Variants in CROCC observed in about 807,000 individuals in gnomAD.
The protein encoded by CROCC is ciliary rootlet coiled-coil, rootletin, also known as rootletin.
A neutral mutation model predicts 245.2 loss-of-function variants in CROCC; 180 were observed. That is an observed-to-expected ratio of 0.73 (90% CI 0.65 to 0.83). CROCC has a LOEUF of 0.83. Ranked by LOEUF, CROCC falls within the 40% of genes least tolerant of loss-of-function variation. The probability of loss-of-function intolerance (pLI) is 0.00; values close to 1 mark genes in which losing one functional copy is unlikely to be tolerated. For missense variants in CROCC, 2,688 were observed against 2,779.4 expected, an observed-to-expected ratio of 0.97 and a Z score of 0.74; for synonymous variants, 1,205 against 1,241.6, an observed-to-expected ratio of 0.97 and a Z score of 0.62.
chr1:16,968,152 G>A (rs1436236136), intron 30 of CROCC, 51 bp from the exon 31 acceptor site: 1 of 1,524,848 alleles, frequency 6.6e-7, no homozygotes, highest in African/African-American at 1.4e-5. Context: ...GTGTGCGGGA[G>A]GGCTGCGGGG....
upstream of CROCC, chr1:16,921,911 T>C: frequency 8.2e-7 from 1 of 1,212,676 alleles, no homozygotes; most frequent in Non-Finnish European, 1.2e-6. Context: ...GATTTAAGCT[T>C]AATCTGCCTG....
chr1:16,970,642 CG>C lies in CROCC; in HGVS notation c.5662del (p.Glu1888ArgfsTer12). On this transcript the variant is annotated frameshift_variant, in exon 35 of 37. Coordinates refer to ENST00000375541, the MANE Select transcript of CROCC (RefSeq NM_014675.5). LOFTEE classifies it high-confidence loss of function. ...CTGTGGCTCTCCTGCCTAGGTGGAG[CG>C]GGAGAAGCTTCGTAGCCATGAGGAC... ...ALRRTLDKVEREKLRSHEDTV... is the reference protein window; with the variant it reads ...ALRRTLDKVEXEKLRSHEDTV... The C allele has an allele frequency of 6.5e-7, 1 of 1,548,242 alleles. No individual in the cohort carries two copies. The highest frequency in any genetic ancestry group is 8.7e-7 in the Non-Finnish European group (1 of 1,146,116).
chr1:16,937,706 A>T lies in CROCC; in HGVS notation c.1259A>T (p.Asn420Ile), dbSNP rs140613654. The T allele has an allele frequency of 6.2e-7, 1 of 1,611,238 alleles. No individual in the cohort carries two copies. Among genetic ancestry groups the T allele is most frequent in the Non-Finnish European group, 8.5e-7 (1 of 1,179,430 alleles). ...CAGAATCTGGAGAAGGATCAGGTCA[A>T]CAAGGACCTCACTGAGAAGCTTGAG... Reference protein sequence around the residue: ...EKQNLEKDQVNKDLTEKLEAL... With the variant: ...EKQNLEKDQVIKDLTEKLEAL... Residue 420 changes from asparagine to isoleucine, a missense_variant, in exon 10 of 37, where the codon AAC becomes ATC. Coordinates refer to ENST00000375541, the MANE Select transcript of CROCC (RefSeq NM_014675.5).
At chr1:16,952,496 A>AG (rs1557623858) in intron 20 of CROCC, among the ~76,000 whole-genome samples, 1 of 151,762 alleles carries the variant, frequency 6.6e-6, no homozygotes. Flanking sequence ...AAAAAAAAAA[A>AG]AAGAAGTGGC....
intron 20 of CROCC, 30 bp from the exon 21 acceptor site, chr1:16,953,272 T>C: frequency 6.5e-7 from 1 of 1,550,318 alleles, no homozygotes; most frequent in South Asian, 1.2e-5. Flanking sequence ...CCTCCTGGTG[T>C]GTCACAGGCA....
intron 26 of CROCC, among the ~76,000 whole-genome samples, chr1:16,959,528 G>A (rs1205015130): frequency 6.6e-6 from 1 of 152,202 alleles, no homozygotes; most frequent in Non-Finnish European, 1.5e-5. Context: ...AGATGGGCTA[G>A]CACAGCCGAG....
chr1:16,965,762 G>T lies in CROCC; in HGVS notation c.4445G>T (p.Cys1482Phe). The T allele has an allele frequency of 6.2e-7, 1 of 1,613,852 alleles. No individual in the cohort carries two copies. The highest frequency in any genetic ancestry group is 8.5e-7 in the Non-Finnish European group (1 of 1,179,970). ...CTCAACAGCCCCAGCACCTTAGAAT[G>T]CAGCCCTGGGTCCCAGCCACCATCT... is the stretch of plus-strand genomic sequence containing the variant. Reference protein sequence around the residue: ...EGLNSPSTLECSPGSQPPSPG... With the variant: ...EGLNSPSTLEFSPGSQPPSPG... Residue 1482 changes from cysteine to phenylalanine, a missense_variant, in exon 28 of 37, where the codon TGC becomes TTC. Physicochemically the swap from Cys to Phe is radical, Grantham distance 205 (BLOSUM62 -2). Transcript: ENST00000375541.
At chr1:16,929,134 G>A (rs533511692) in intron 3 of CROCC, among the ~76,000 whole-genome samples, 36 of 152,374 alleles carry the variant, frequency 2.4e-4, no homozygotes, top group Admixed American at 1.6e-3. Context: ...GCCAGAAGGG[G>A]GCATTAATAT....
chr1:16,931,975 C>T (rs1371486974), intron 8 of CROCC, among the ~76,000 whole-genome samples: 4 of 152,052 alleles, frequency 2.6e-5, no homozygotes, highest in African/African-American at 9.7e-5. Context: ...CCATGTTGCC[C>T]AGGATGGTCT....
intron 24 of CROCC, 57 bp from the exon 25 acceptor site, chr1:16,955,940 T>A (rs1224295268): frequency 6.5e-7 from 1 of 1,543,108 alleles, no homozygotes; most frequent in East Asian, 2.4e-5. Context: ...GGCTTTTGTG[T>A]AGAGCCACTG....
At chr1:16,944,820 C>T (rs2076010542) in intron 14 of CROCC, among the ~76,000 whole-genome samples, 1 of 152,286 alleles carries the variant, frequency 6.6e-6, no homozygotes, top group Admixed American at 6.5e-5. Context: ...CGCTGCTTAC[C>T]TCTCAGGGAC....
Position 16,948,841 on chromosome 1 carries a change from A to G in CROCC, c.2751A>G (p.Gln917=), listed in dbSNP as rs1557618798. Residue 917 remains glutamine, a synonymous_variant, in exon 19 of 37, where the codon CAA becomes CAG. Transcript: ENST00000375541. ...EALEGSLFEV[Q]RQLAQLEARR... is the part of the protein sequence containing the mutation. Reference sequence around the variant, plus strand: ...TGGAGGGCAGCCTGTTTGAGGTGCAACGGCAGCTGGCCCAGCTTGAGGCCC... The same window carrying G: ...TGGAGGGCAGCCTGTTTGAGGTGCAGCGGCAGCTGGCCCAGCTTGAGGCCC... The G allele has an allele frequency of 6.2e-7, 1 of 1,611,388 alleles. No individual in the cohort carries two copies. Among genetic ancestry groups the G allele is most frequent in the South Asian group, 1.1e-5 (1 of 90,986 alleles).
rs748377493 is a variant in CROCC, at chr1:16,940,030, A to G, written c.1745A>G (p.Gln582Arg). 1.2e-6 allele frequency: 2 copies of G among 1,611,066 alleles called. No individual in the cohort carries two copies. The highest frequency in any genetic ancestry group is 1.7e-6 in the Non-Finnish European group (2 of 1,179,398). ...RLRDKTDGAM[Q>R]AHEDAQREVQ... ...CGGGACAAGACCGACGGCGCCATGCAGGCCCACGAGGACGCCCAGCGCGAG... is the reference window on the plus strand; with the variant it reads ...CGGGACAAGACCGACGGCGCCATGCGGGCCCACGAGGACGCCCAGCGCGAG... Residue 582 changes from glutamine to arginine, a missense_variant, in exon 13 of 37, where the codon CAG becomes CGG. This residue lies in a region of CROCC where 972 missense variants were observed against 895.3 expected (regional missense o/e 1.09). Transcript: ENST00000375541.
chr1:16,971,556 A>G lies in CROCC; in HGVS notation c.5876A>G (p.Glu1959Gly), dbSNP rs1414958816. 9 of 1,536,418 alleles carry G rather than the reference A, an allele frequency of 5.9e-6. No individual in the cohort carries two copies. Among genetic ancestry groups the G allele is most frequent in the Non-Finnish European group, 7.0e-6 (8 of 1,146,066 alleles). Reference sequence around the variant, plus strand: ...CAGCTGGAGCTGCAGCAGGAGGTGGAGCGGCTGCGCAGCGCCCAGGCGCAG... The same window carrying G: ...CAGCTGGAGCTGCAGCAGGAGGTGGGGCGGCTGCGCAGCGCCCAGGCGCAG... ...QQQLELQQEV[E>G]RLRSAQAQTE... The change falls in exon 36 of 37, where the codon GAG becomes GGG. Residue 1959 changes from glutamate (E) to glycine (G), a missense_variant. This residue lies in a region of CROCC where 1,218 missense variants were observed against 1,286.3 expected (regional missense o/e 0.95). Coordinates refer to ENST00000375541, the MANE Select transcript of CROCC (RefSeq NM_014675.5).
intron 8 of CROCC, among the ~76,000 whole-genome samples, chr1:16,933,203 C>T (rs1450116496): frequency 5.9e-5 from 9 of 152,402 alleles, no homozygotes; most frequent in Middle Eastern, 3.4e-3. Flanking sequence ...CAGTGGCTCA[C>T]GCCTATAATC....
chr1:16,955,264 CG>C (rs151046905), intron 23 of CROCC, 47 bp from the exon 24 acceptor site: 11 of 1,571,210 alleles, frequency 7.0e-6, no homozygotes, highest in South Asian at 2.2e-5. Context: ...CCCAGCTTGA[CG>C]GGGGGGTCCC....
chr1:16,939,985 A>C lies in CROCC; in HGVS notation c.1700A>C (p.Glu567Ala). The change falls in exon 13 of 37, where the codon GAG becomes GCG. Residue 567 changes from glutamate (E) to alanine (A), a missense_variant. Glu to Ala is a moderately radical substitution (Grantham distance 107). Around this residue, in one of 9 missense-constraint regions of CROCC, gnomAD observed 972 missense variants for 895.3 expected, o/e 1.09. Coordinates refer to ENST00000375541, the MANE Select transcript of CROCC (RefSeq NM_014675.5). ...AGCGAGAGCGAGCGGCGGGCCCTAG[A>C]GGAACAGCTGCAGCGCCTGCGGGAC... Reference protein sequence around the residue: ...SDSESERRALEEQLQRLRDKT... With the variant: ...SDSESERRALAEQLQRLRDKT... The C allele has an allele frequency of 1.2e-6, 2 of 1,612,420 alleles. No individual in the cohort carries two copies. The highest frequency in any genetic ancestry group is 1.7e-6 in the Non-Finnish European group (2 of 1,179,750).
At chr1:16,924,071 G>T (rs1197642651) in intron 2 of CROCC, among the ~76,000 whole-genome samples, 1 of 152,276 alleles carries the variant, frequency 6.6e-6, no homozygotes, top group African/African-American at 2.4e-5. Flanking sequence ...CTGGCTCCTA[G>T]ACTGAGTGTC....
At chr1:16,961,568 T>G (rs1401409046) in intron 27 of CROCC, among the ~76,000 whole-genome samples, 1 of 151,870 alleles carries the variant, frequency 6.6e-6, no homozygotes, top group Non-Finnish European at 1.5e-5. Flanking sequence ...CGGCACCCGG[T>G]CTAGGCCACT....
Sources: allele counts gnomAD v4.1 joint callset (sites outside exome capture counted in the v4.1 genomes callset), GRCh38; gene constraint gnomAD v4.1.1; regional missense constraint gnomAD v4.1.1; transcripts MANE v1.5; gene names NCBI Gene and HGNC (gene_info 2026-07-23, HGNC 2026-07-21).